The following ASXL3 variants were observed in gnomAD, a reference collection of about 807,000 sequenced individuals.
The protein encoded by ASXL3 is ASXL transcriptional regulator 3.
ASXL3 carries 34 observed loss-of-function variants against 170.6 expected under a neutral mutation model. That is an observed-to-expected ratio of 0.20 (90% CI 0.15 to 0.27). The LOEUF (loss-of-function observed/expected upper bound fraction) is 0.27, where lower values mean the gene tolerates loss of function less well. Ranked by LOEUF, ASXL3 falls within the 10% of genes least tolerant of loss-of-function variation. ASXL3 has a pLI of 1.00. For synonymous variants in ASXL3, 1,002 were observed against 989.1 expected (o/e 1.01, Z -0.24); for missense variants, 2,592 against 2,695.3 (o/e 0.96, Z 0.85).
At chr18:33,697,819 CATA>C (rs1389634613) in intron 8 of ASXL3, among the ~76,000 whole-genome samples, 3 of 146,382 alleles carry the variant, frequency 2.0e-5, no homozygotes, top group Non-Finnish European at 4.5e-5. Flanking sequence ...GCCTGGGCAA[CATA>C]ATGAGACTCT....
chr18:33,743,052 A>G lies in ASXL3; in HGVS notation c.3204A>G (p.Arg1068=), dbSNP rs745786213. Residue 1068 remains arginine (R), a synonymous_variant, in exon 12 of 12, where the codon CGA becomes CGG. Coordinates refer to ENST00000269197, the MANE Select transcript of ASXL3 (RefSeq NM_030632.3). Reference sequence around the variant, plus strand: ...GGGCCCAACAAGCTCGGGCCCAGCGAGAGGCTGCTGCAGCTGCTGCTGTGG... The same window carrying G: ...GGGCCCAACAAGCTCGGGCCCAGCGGGAGGCTGCTGCAGCTGCTGCTGTGG... ...KARAQQARAQ[R]EAAAAAAVAA... The G allele has an allele frequency of 3.1e-6, 5 of 1,613,360 alleles. No individual in the cohort carries two copies. The South Asian group carries it at 5.5e-5, about 18-fold the overall frequency.
chr18:33,650,609 T>G (rs1352421187), intron 4 of ASXL3, among the ~76,000 whole-genome samples: 2 of 152,098 alleles, frequency 1.3e-5, no homozygotes, highest in Non-Finnish European at 2.9e-5. Context: ...ATGAGAGCAC[T>G]CAGCCAATAG....
chr18:33,591,782 C>T (rs1269435731), intron 1 of ASXL3, among the ~76,000 whole-genome samples: 2 of 152,074 alleles, frequency 1.3e-5, no homozygotes, highest in African/African-American at 4.8e-5. Context: ...GCTGGGACTA[C>T]AGGTGACCAC....
At chr18:33,615,979 T>A (rs1007922690) in intron 2 of ASXL3, among the ~76,000 whole-genome samples, 1 of 152,196 alleles carries the variant, frequency 6.6e-6, no homozygotes, top group African/African-American at 2.4e-5. Context: ...AGTTTTGAGT[T>A]AAATGGTATA....
At chr18:33,679,085 T>G (rs2066475457) in intron 7 of ASXL3, among the ~76,000 whole-genome samples, 1 of 152,154 alleles carries the variant, frequency 6.6e-6, no homozygotes, top group African/African-American at 2.4e-5. Context: ...AAATAAAACG[T>G]TTTACATTTT....
At chr18:33,639,117 G>T (rs1352805601) in intron 2 of ASXL3, among the ~76,000 whole-genome samples, 1 of 152,014 alleles carries the variant, frequency 6.6e-6, no homozygotes, top group African/African-American at 2.4e-5. Flanking sequence ...GGTTACTATG[G>T]TTAGCAGTAG....
At chr18:33,646,190 T>C (rs574178050) in intron 3 of ASXL3, 55 bp from the exon 4 acceptor site, 1 of 1,384,344 alleles carries the variant, frequency 7.2e-7, no homozygotes, top group African/African-American at 1.4e-5. Flanking sequence ...ATTTTGAATG[T>C]TTTTAGTTGC....
At chr18:33,614,512 A>T (rs1452725744) in intron 2 of ASXL3, 1 of 152,114 alleles carries the variant, frequency 6.6e-6, no homozygotes, top group Non-Finnish European at 1.5e-5. Flanking sequence ...TAATGTTGCT[A>T]TTGTGACCAA....
Position 33,734,353 on chromosome 18 carries a change from T to A in ASXL3, c.1020T>A (p.Ile340=). The A allele has an allele frequency of 6.2e-7, 1 of 1,610,116 alleles. No individual in the cohort carries two copies. The highest frequency in any genetic ancestry group is 8.5e-7 in the Non-Finnish European group (1 of 1,178,350). ...TGCAGTTGCGGATAAGGCAAGAAAT[T>A]GAGAAGGAAAAGAAAACAGAACCTT... ...PEMQLRIRQE[I]EKEKKTEPWK... is the part of the protein sequence containing the mutation. The change falls in exon 10 of 12, where the codon ATT becomes ATA. Residue 340 remains isoleucine (I), a synonymous_variant. Coordinates refer to ENST00000269197, the MANE Select transcript of ASXL3 (RefSeq NM_030632.3).
chr18:33,640,124 A>G (rs1046049239), intron 2 of ASXL3, among the ~76,000 whole-genome samples: 5 of 152,052 alleles, frequency 3.3e-5, no homozygotes, highest in Non-Finnish European at 7.4e-5. Context: ...TTACTGCACA[A>G]TAAAAGCTTT....
chr18:33,737,632 A>C (rs2067570618), intron 10 of ASXL3, among the ~76,000 whole-genome samples: 2 of 152,162 alleles, frequency 1.3e-5, no homozygotes. Flanking sequence ...GCATAAAAGA[A>C]TTTAAAAGTC....
chr18:33,708,397 A>T (rs1302355509), intron 8 of ASXL3, among the ~76,000 whole-genome samples: 1 of 152,228 alleles, frequency 6.6e-6, no homozygotes, highest in Admixed American at 6.5e-5. Flanking sequence ...ACATGTTGAT[A>T]AACTTTGACA....
intron 8 of ASXL3, among the ~76,000 whole-genome samples, chr18:33,702,465 A>G (rs2066889059): frequency 6.6e-6 from 1 of 152,188 alleles, no homozygotes; most frequent in South Asian, 2.1e-4. Context: ...GAAGGGGCAC[A>G]GCCTTGGTTG....
intron 8 of ASXL3, among the ~76,000 whole-genome samples, chr18:33,688,439 T>C (rs1442054053): frequency 6.6e-6 from 1 of 152,226 alleles, no homozygotes; most frequent in Non-Finnish European, 1.5e-5. Flanking sequence ...ACAATCATTA[T>C]GTGTGCAGGT....
At chr18:33,617,042 A>C (rs1205634131) in intron 2 of ASXL3, among the ~76,000 whole-genome samples, 1 of 152,200 alleles carries the variant, frequency 6.6e-6, no homozygotes, top group African/African-American at 2.4e-5. Flanking sequence ...GTATAACATA[A>C]GAATATTTCT....
intron 2 of ASXL3, chr18:33,614,466 G>A (rs1238476364): frequency 6.6e-6 from 1 of 152,092 alleles, no homozygotes; most frequent in Non-Finnish European, 1.5e-5. Context: ...CTGAAGTGTT[G>A]AAGTGGATCA....
intron 8 of ASXL3, among the ~76,000 whole-genome samples, chr18:33,710,375 T>C (rs539926140): frequency 5.9e-5 from 9 of 152,354 alleles, no homozygotes; most frequent in South Asian, 2.1e-4. Flanking sequence ...GAAACTGTTA[T>C]TGGCAATCGT....
At chr18:33,650,204 T>G (rs540629043) in intron 4 of ASXL3, among the ~76,000 whole-genome samples, 1 of 152,168 alleles carries the variant, frequency 6.6e-6, no homozygotes, top group South Asian at 2.1e-4. Context: ...AGCTAACATA[T>G]TCAAAAAATC....
At chr18:33,717,900 T>C (rs62092432) in intron 8 of ASXL3, among the ~76,000 whole-genome samples, 12,065 of 152,176 alleles carry the variant, frequency 0.079, 523 homozygotes, top group African/African-American at 0.084. Context: ...GTCTGCACTT[T>C]GGAAGGTTGT....
Sources: gnomAD v4.1 joint callset for allele counts (sites outside exome capture counted in the v4.1 genomes callset) on GRCh38, gnomAD v4.1.1 for gene constraint, MANE v1.5 for transcripts, NCBI Gene and HGNC (gene_info 2026-07-23, HGNC 2026-07-21) for gene names.